DMXL1: variants seen among roughly 807,000 people sequenced by gnomAD.
DMXL1 encodes Dmx like 1, also known as dmX-like protein 1.
A neutral mutation model predicts 319.2 loss-of-function variants in DMXL1; 99 were observed. The ratio of observed to expected loss-of-function variants is 0.31; its 90% CI spans 0.26 to 0.37. The LOEUF (loss-of-function observed/expected upper bound fraction) is 0.37. Ranked by LOEUF, DMXL1 falls within the 10% of genes least tolerant of loss-of-function variation. The probability of loss-of-function intolerance (pLI) is 1.00; values close to 1 mark genes in which losing one functional copy is unlikely to be tolerated. For missense variants in DMXL1, 3,745 were observed against 3,595.6 expected, an observed-to-expected ratio of 1.04 and a Z score of -1.06; for synonymous variants, 1,385 against 1,235.2, an observed-to-expected ratio of 1.12 and a Z score of -2.54.
chr5:119,081,997 T>TTATATATATA (rs144946899), intron 1 of DMXL1, among the ~76,000 whole-genome samples: 5 of 116,236 alleles, frequency 4.3e-5, no homozygotes, highest in Non-Finnish European at 7.3e-5. Flanking sequence ...TTTCTTAAGG[T>TTATATATATA]TATATATATA....
chr5:119,111,314 A>G (rs1040817558), intron 5 of DMXL1, among the ~76,000 whole-genome samples: 5 of 152,236 alleles, frequency 3.3e-5, no homozygotes, highest in Admixed American at 3.3e-4. Context: ...TTGAAATGCA[A>G]CTAGTCCAAA....
At chr5:119,154,113 C>T (rs1337566074) in intron 19 of DMXL1, among the ~76,000 whole-genome samples, 1 of 152,178 alleles carries the variant, frequency 6.6e-6, no homozygotes, top group African/African-American at 2.4e-5. Flanking sequence ...CCCTGTATTT[C>T]TCCCTCTGCT....
intron 29 of DMXL1, 126 bp from the exon 30 acceptor site, chr5:119,193,702 A>C: frequency 1.1e-6 from 1 of 933,508 alleles, no homozygotes; most frequent in Non-Finnish European, 1.6e-6. Flanking sequence ...ATGGTAAGAT[A>C]ATAGTTACTT....
chr5:119,198,362 T>C (rs1780041844), intron 32 of DMXL1, among the ~76,000 whole-genome samples: 3 of 152,190 alleles, frequency 2.0e-5, no homozygotes, highest in African/African-American at 7.2e-5. Context: ...AACCCTGCCA[T>C]TGTAGAATAA....
At chr5:119,164,339 A>G (rs1772957346) in intron 19 of DMXL1, among the ~76,000 whole-genome samples, 168 bp from the exon 20 acceptor site, 2 of 152,194 alleles carry the variant, frequency 1.3e-5, no homozygotes, top group African/African-American at 4.8e-5. Flanking sequence ...TTGGAGTGAT[A>G]CAGTTATTTG....
Position 119,099,176 on chromosome 5 carries a change from T to G in DMXL1, c.213+1072T>G, listed in dbSNP as rs543307047. On this transcript the variant is annotated intron_variant, in intron 2 of 43. Coordinates refer to ENST00000539542, the MANE Select transcript of DMXL1 (RefSeq NM_001290321.3). The stretch of plus-strand genomic sequence containing the variant: ...TTATGGAATGCTGGAAATCTTTGGG[T>G]TTTTTTTTTGTTTTTTGTTTGTTTT... Among the ~76,000 whole-genome samples the G allele has an allele frequency of 1.9e-4, 23 of 122,282 alleles. No individual in the cohort carries two copies. In the South Asian group the frequency reaches 2.6e-3, roughly 14 times the overall value. The allele number at this position is 122,282 out of a possible 152,430, so 80.2% of individuals were successfully genotyped here. A position where few individuals can be genotyped will look rare whatever the true frequency, so the allele number is the denominator to read the frequency against.
At chr5:119,106,819 T>C (rs1029902126) in intron 4 of DMXL1, among the ~76,000 whole-genome samples, 1 of 152,174 alleles carries the variant, frequency 6.6e-6, no homozygotes, top group Non-Finnish European at 1.5e-5. Context: ...AATGAATTAA[T>C]GAATAGTGAA....
At chr5:119,216,752 G>A (rs548395579) in intron 34 of DMXL1, 149 bp from the exon 35 acceptor site, 159 of 523,034 alleles carry the variant, frequency 3.0e-4, no homozygotes, top group African/African-American at 2.5e-3. Context: ...TTGTTTTAGG[G>A]ATAATTAGCA....
chr5:119,217,370 C>A (rs1350589232), intron 35 of DMXL1, among the ~76,000 whole-genome samples: 1 of 152,084 alleles, frequency 6.6e-6, no homozygotes, highest in Non-Finnish European at 1.5e-5. Flanking sequence ...CTCAAATTCT[C>A]CCTCTTTGAT....
chr5:119,093,160 G>A (rs1755174142), intron 1 of DMXL1, among the ~76,000 whole-genome samples: 1 of 151,688 alleles, frequency 6.6e-6, no homozygotes, highest in African/African-American at 2.4e-5. Context: ...GTCGCATTTT[G>A]GTAATTCTCA....
intron 34 of DMXL1, among the ~76,000 whole-genome samples, chr5:119,210,756 C>CTTTTTTTTTTTTT (rs1205202596): frequency 4.5e-5 from 3 of 65,964 alleles, no homozygotes; most frequent in African/African-American, 1.0e-4. Flanking sequence ...TTTTTTCTTT[C>CTTTTTTTTTTTTT]GTTTTTTTTT....
intron 1 of DMXL1, among the ~76,000 whole-genome samples, chr5:119,075,490 C>G (rs775587631): frequency 6.6e-6 from 1 of 151,990 alleles, no homozygotes; most frequent in Non-Finnish European, 1.5e-5. Flanking sequence ...CCGCCCACCT[C>G]GGCCTCCCCA....
chr5:119,224,550 T>C (rs367790283), intron 37 of DMXL1, among the ~76,000 whole-genome samples, 159 bp from the exon 38 acceptor site: 11 of 152,044 alleles, frequency 7.2e-5, no homozygotes, highest in South Asian at 4.1e-4. Flanking sequence ...AGCTGCACTA[T>C]TAAATTTCTG....
At position 119,133,776 on chromosome 5, in the gene DMXL1, G is replaced by A; in HGVS notation, c.1852G>A (p.Glu618Lys). 1 of 1,614,188 alleles carries A rather than the reference G, an allele frequency of 6.2e-7. No homozygotes were observed. The highest frequency in any genetic ancestry group is 8.5e-7 in the Non-Finnish European group (1 of 1,180,050). ...LNQWLVSFAEESAFSTVLSIS... is the reference protein window; with the variant it reads ...LNQWLVSFAEKSAFSTVLSIS... ...TCAGTGGCTGGTCAGTTTTGCCGAGGAATCTGCTTTTTCTACTGTTCTCAG... is the reference window on the plus strand; with the variant it reads ...TCAGTGGCTGGTCAGTTTTGCCGAGAAATCTGCTTTTTCTACTGTTCTCAG... Residue 618 changes from glutamate to lysine, a missense_variant, in exon 12 of 44, where the codon GAA becomes AAA. Glu to Lys is a moderately conservative substitution (Grantham distance 56, BLOSUM62 1). Around this residue, in one of 4 missense-constraint regions of DMXL1, gnomAD observed 2,096 missense variants for 1,985.4 expected, o/e 1.06. Coordinates refer to ENST00000539542, the MANE Select transcript of DMXL1 (RefSeq NM_001290321.3).
intron 38 of DMXL1, among the ~76,000 whole-genome samples, chr5:119,230,875 C>G (rs1786578811): frequency 6.6e-6 from 1 of 152,166 alleles, no homozygotes; most frequent in South Asian, 2.1e-4. Flanking sequence ...GAACAAGACT[C>G]CGTCTCAAAA....
chr5:119,247,173 G>A lies in DMXL1; in HGVS notation c.9101G>A (p.Ser3034Asn). The change falls in exon 44 of 44, where the codon AGC (serine) becomes AAC (asparagine). Residue 3034 changes from serine to asparagine, a missense_variant. Around this residue, in one of 4 missense-constraint regions of DMXL1, gnomAD observed 262 missense variants for 320.5 expected, o/e 0.82. Coordinates refer to ENST00000539542, the MANE Select transcript of DMXL1 (RefSeq NM_001290321.3). Reference sequence around the variant, plus strand: ...ATGAGAATACTGCCAGATCAGTTTAGCCCTTTAAATGAAGTGTTGAAAAAT... The same window carrying A: ...ATGAGAATACTGCCAGATCAGTTTAACCCTTTAAATGAAGTGTTGAAAAAT... ...MKMRILPDQFSPLNEVLKNDV... is the reference protein window; with the variant it reads ...MKMRILPDQFNPLNEVLKNDV... 6.2e-7 allele frequency: 1 copy of A among 1,613,778 alleles called. No homozygotes were observed. The highest frequency in any genetic ancestry group is 8.5e-7 in the Non-Finnish European group (1 of 1,179,864).
chr5:119,194,027 A>G lies in DMXL1; in HGVS notation c.7457+57A>G, dbSNP rs1779166143. The stretch of plus-strand genomic sequence containing the variant: ...AAAAATAATGGTGTATATAAATAAT[A>G]TTTTTGAAAAAATTACATGTGAAAT... On this transcript the variant is annotated intron_variant, in intron 30 of 43. Transcript: ENST00000539542. 9.6e-6 allele frequency: 12 copies of G among 1,252,242 alleles called. No homozygotes were observed. The East Asian group carries it at 3.3e-4, about 34-fold the overall frequency. 77.6% of individuals were successfully genotyped at this position (1,252,242 alleles called of 1,614,324 possible).
intron 9 of DMXL1, among the ~76,000 whole-genome samples, chr5:119,125,783 C>G (rs1763412835): frequency 6.6e-6 from 1 of 152,048 alleles, no homozygotes; most frequent in Non-Finnish European, 1.5e-5. Context: ...CAAGGATGGT[C>G]TCAATCTCCT....
In DMXL1 at chr5:119,203,222, GTTAA is replaced by G. The variant is rs1031793393; in HGVS notation, c.7746-94_7746-91del. 12 of 761,398 alleles carry G rather than the reference GTTAA, an allele frequency of 1.6e-5. No homozygotes were observed. In the African/African-American group the frequency reaches 2.0e-4, roughly 12 times the overall value. 47.2% of individuals were successfully genotyped at this position (761,398 alleles called of 1,614,324 possible). ...CCTCCAGTCATACAGTCTGATTGCA[GTTAA>G]TTTATTATAATTTATATGGCACCAA... On this transcript the variant is annotated intron_variant, in intron 32 of 43. Coordinates refer to ENST00000539542, the MANE Select transcript of DMXL1 (RefSeq NM_001290321.3).
Sources: allele counts gnomAD v4.1 joint callset (sites outside exome capture counted in the v4.1 genomes callset), GRCh38; gene constraint gnomAD v4.1.1; regional missense constraint gnomAD v4.1.1; transcripts MANE v1.5; gene names NCBI Gene and HGNC (gene_info 2026-07-23, HGNC 2026-07-21).